The following GCA variants were observed in gnomAD, a reference collection of about 807,000 sequenced individuals.
GCA encodes grancalcin.
In GCA, 30 loss-of-function variants were observed where a neutral mutation model predicts 32.6. That is an observed-to-expected ratio of 0.92 (90% confidence interval 0.69 to 1.25). GCA has a LOEUF of 1.25. GCA is among the 50% of genes most tolerant of loss of function. The pLI is 0.00. For synonymous variants in GCA, 102 were observed against 84.6 expected (o/e 1.21, Z -1.13); for missense variants, 291 against 266.8 (o/e 1.09, Z -0.63).
At chr2:162,373,333 C>G, downstream of GCA, 1 of 515,784 alleles carries the variant, frequency 1.9e-6, no homozygotes, top group South Asian at 8.1e-5. Flanking sequence ...GGCCCATTTC[C>G]AGAAATTCTA....
intron 1 of GCA, among the ~76,000 whole-genome samples, chr2:162,337,306 C>G (rs1201288030): frequency 6.6e-6 from 1 of 152,084 alleles, no homozygotes; most frequent in Non-Finnish European, 1.5e-5. Flanking sequence ...TGTCAGGGGA[C>G]CCTCTTCATA....
At position 162,347,612 on chromosome 2, in the gene GCA, A is replaced by T. The variant is rs761940724; in HGVS notation, c.62A>T (p.Gln21Leu). 1.2e-6 allele frequency: 2 copies of T among 1,609,422 alleles called. No homozygotes were observed. The highest frequency in any genetic ancestry group is 2.7e-5 in the African/African-American group (2 of 74,826). ...GNFSIQVPGMQMGQPVPETGP... is the reference protein window; with the variant it reads ...GNFSIQVPGMLMGQPVPETGP... The stretch of plus-strand genomic sequence containing the variant: ...TTTAGCATTCAGGTGCCAGGAATGC[A>T]GATGGGACAGCCAGTGCCAGAAACA... The change falls in exon 2 of 8, where the codon CAG becomes CTG. Residue 21 changes from glutamine (Q) to leucine (L), a missense_variant. Transcript: ENST00000437150.
In GCA at chr2:162,360,729, C is replaced by A; in HGVS notation, c.*486C>A. 1 of 1,396,742 alleles carries A rather than the reference C, an allele frequency of 7.2e-7. No homozygotes were observed. Among genetic ancestry groups the A allele is most frequent in the Non-Finnish European group, 9.3e-7 (1 of 1,077,504 alleles). 86.5% of individuals were successfully genotyped at this position (1,396,742 alleles called of 1,614,324 possible). On this transcript the variant is annotated 3_prime_UTR_variant, in exon 8 of 8. Transcript: ENST00000437150. ...GCCATGTTTGTAATATAGTTTGTTC[C>A]TTGATCAAATAATCAGAGAAAAGAA...
rs1349475767 is a variant in GCA at position 162,361,346 on chromosome 2, T to C, written c.*1103T>C. 10 of 980,258 alleles carry C rather than the reference T, an allele frequency of 1.0e-5. No homozygotes were observed. Among genetic ancestry groups the C allele is most frequent in the Non-Finnish European group, 1.1e-5 (9 of 825,538 alleles). The allele number at this position is 980,258 out of a possible 1,614,324, so 60.7% of individuals were successfully genotyped here. A position where few individuals can be genotyped will look rare whatever the true frequency, so the allele number is the denominator to read the frequency against. The stretch of plus-strand genomic sequence containing the variant: ...TATCCCTGGTATAAGATGTTATAAT[T>C]AATGTAATTTCTTTCTTGGCAAACA... On this transcript the variant is annotated 3_prime_UTR_variant, in exon 8 of 8. Transcript: ENST00000437150.
upstream of GCA, among the ~76,000 whole-genome samples, chr2:162,339,713 G>C (rs1052335600): frequency 6.6e-6 from 1 of 152,178 alleles, no homozygotes; most frequent in African/African-American, 2.4e-5. Context: ...CCAAGCAAAG[G>C]TCATGTGAGG....
At chr2:162,320,086 G>A (rs1388532490) in intron 1 of GCA, among the ~76,000 whole-genome samples, 1 of 152,146 alleles carries the variant, frequency 6.6e-6, no homozygotes, top group African/African-American at 2.4e-5. Context: ...ACAACTGGTG[G>A]GCTCTTGATG....
At chr2:162,336,904 T>C (rs1194616869) in intron 1 of GCA, among the ~76,000 whole-genome samples, 2 of 152,168 alleles carry the variant, frequency 1.3e-5, no homozygotes, top group South Asian at 2.1e-4. Context: ...TCAATATAAT[T>C]ACTCTATAAA....
At chr2:162,333,431 A>G (rs1684164622) in intron 1 of GCA, among the ~76,000 whole-genome samples, 1 of 151,982 alleles carries the variant, frequency 6.6e-6, no homozygotes, top group Admixed American at 6.6e-5. Flanking sequence ...TGTTTCATTT[A>G]TCTATCTGAG....
chr2:162,372,111 C>T (rs747400528), downstream of GCA: 19 of 1,590,590 alleles, frequency 1.2e-5, no homozygotes, highest in Non-Finnish European at 1.6e-5. Context: ...GGAAAAAGAA[C>T]AAAACAAGTT....
At position 162,363,112 on chromosome 2, in the gene GCA, CTT is replaced by C. The variant is rs1370468146; in HGVS notation, c.*2871_*2872del. Among the ~76,000 whole-genome samples the C allele has an allele frequency of 2.0e-5, 3 of 151,312 alleles. No individual in the cohort carries two copies. Among genetic ancestry groups the C allele is most frequent in the African/African-American group, 4.8e-5 (2 of 41,352 alleles). ...AAACTGGACAAACAAAATAAATACT[CTT>C]TGTCGGAAATGTGCTCTTTGTCTTT... On this transcript the variant is annotated 3_prime_UTR_variant, in exon 8 of 8. Coordinates refer to ENST00000437150, the MANE Select transcript of GCA (RefSeq NM_012198.5).
intron 1 of GCA, among the ~76,000 whole-genome samples, chr2:162,334,321 G>A (rs768203653): frequency 2.0e-5 from 3 of 151,986 alleles, no homozygotes; most frequent in African/African-American, 7.3e-5. Flanking sequence ...CCACTAGGGA[G>A]GTAAAATCAT....
Position 162,361,392 on chromosome 2 carries a change from A to G in GCA, c.*1149A>G, listed in dbSNP as rs185999592. 2.4e-3 allele frequency: 2,330 copies of G among 977,158 alleles called. 6 individuals carry two copies. Among genetic ancestry groups the G allele is most frequent in the Non-Finnish European group, 2.7e-3 (2,207 of 822,608 alleles). The allele number at this position is 977,158 out of a possible 1,614,324, so 60.5% of individuals were successfully genotyped here. A position where few individuals can be genotyped will look rare whatever the true frequency, so the allele number is the denominator to read the frequency against. On this transcript the variant is annotated 3_prime_UTR_variant, in exon 8 of 8. Coordinates refer to ENST00000437150, the MANE Select transcript of GCA (RefSeq NM_012198.5). ...AAACACCTCATGTCTGTCTTAGTGA[A>G]GATTTAATAAACCACTTATTTTTCT...
intron 2 of GCA, among the ~76,000 whole-genome samples, chr2:162,348,309 CCTCA>C (rs897583605): frequency 2.0e-5 from 3 of 151,966 alleles, no homozygotes; most frequent in African/African-American, 7.3e-5. Flanking sequence ...CTAACTTGGG[CCTCA>C]CTCCCATTTT....
At position 162,344,152 on chromosome 2, in the gene GCA, C is replaced by A; in HGVS notation, c.-97C>A. The A allele has an allele frequency of 7.5e-7, 1 of 1,332,962 alleles. No homozygotes were observed. Among genetic ancestry groups the A allele is most frequent in the Non-Finnish European group, 1.1e-6 (1 of 930,268 alleles). The allele number at this position is 1,332,962 out of a possible 1,614,324, so 82.6% of individuals were successfully genotyped here. A position where few individuals can be genotyped will look rare whatever the true frequency, so the allele number is the denominator to read the frequency against. On this transcript the variant is annotated 5_prime_UTR_variant, in exon 1 of 8. The change creates a new upstream start codon in the 5' untranslated region. Transcript: ENST00000437150. ...CGGTTAGTGCGCCTTTCAGCCTCAC[C>A]TGCAGCTGCGCCTCCTTGCACCTGC...
intron 3 of GCA, among the ~76,000 whole-genome samples, chr2:162,355,434 A>G (rs1489381517): frequency 6.6e-6 from 1 of 152,092 alleles, no homozygotes; most frequent in African/African-American, 2.4e-5. Flanking sequence ...TGCTTTTATA[A>G]AATGTTAAGA....
chr2:162,318,766 G>A (rs1683568375), upstream of GCA: 1 of 162,014 alleles, frequency 6.2e-6, no homozygotes, highest in African/African-American at 2.4e-5. Flanking sequence ...TTTCCTCAGG[G>A]AGACGCCACC....
chr2:162,323,790 C>A (rs1683773190), intron 1 of GCA, among the ~76,000 whole-genome samples: 1 of 151,842 alleles, frequency 6.6e-6, no homozygotes, highest in Non-Finnish European at 1.5e-5. Context: ...GTACCAGTAC[C>A]ATGCTGTTTT....
At chr2:162,350,985 A>G (rs1387104194) in intron 2 of GCA, among the ~76,000 whole-genome samples, 1 of 152,188 alleles carries the variant, frequency 6.6e-6, no homozygotes, top group African/African-American at 2.4e-5. Flanking sequence ...CTGGAACCCA[A>G]CTACTGAACT....
downstream of GCA, chr2:162,372,050 C>A: frequency 6.2e-7 from 1 of 1,613,142 alleles, no homozygotes; most frequent in Non-Finnish European, 8.5e-7. Context: ...GAAAGGGATT[C>A]TTTGGATTTA....
Sources: gnomAD v4.1 joint callset for allele counts (sites outside exome capture counted in the v4.1 genomes callset) on GRCh38, gnomAD v4.1.1 for gene constraint, MANE v1.5 for transcripts, NCBI Gene and HGNC (gene_info 2026-07-23, HGNC 2026-07-21) for gene names.